FHIT: variants seen among roughly 807,000 people sequenced by gnomAD.
FHIT encodes the protein bis(5'-adenosyl)-triphosphatase.
FHIT carries 19 observed loss-of-function variants against 17.9 expected under a neutral mutation model. The ratio of observed to expected loss-of-function variants is 1.06; its 90% CI spans 0.74 to 1.56. The LOEUF (loss-of-function observed/expected upper bound fraction) is 1.56, where lower values mean the gene tolerates loss of function less well. Among genes scored for constraint, FHIT ranks in the 40% most tolerant of loss-of-function variants. The pLI, the probability that FHIT is intolerant of heterozygous loss-of-function variation, is 0.00. For synonymous variants in FHIT, 81 were observed against 69.7 expected (o/e 1.16, Z -0.81); for missense variants, 248 against 189.2 (o/e 1.31, Z -1.82).
intron 5 of FHIT, among the ~76,000 whole-genome samples, chr3:60,049,254 A>G (rs1701776290): frequency 6.6e-6 from 1 of 152,208 alleles, no homozygotes; most frequent in Non-Finnish European, 1.5e-5. Flanking sequence ...TTTGAAAACC[A>G]CCAGAATATG....
intron 2 of FHIT, among the ~76,000 whole-genome samples, chr3:61,044,137 G>T (rs1342426498): frequency 6.6e-6 from 1 of 152,212 alleles, no homozygotes; most frequent in African/African-American, 2.4e-5. Flanking sequence ...GAATGAATTT[G>T]ACGAGTTGAG....
intron 2 of FHIT, among the ~76,000 whole-genome samples, chr3:61,081,347 C>G (rs556725394): frequency 6.6e-6 from 1 of 152,252 alleles, no homozygotes; most frequent in Admixed American, 6.5e-5. Context: ...TCAGCCCTCT[C>G]TGAAATGCTT....
At chr3:60,967,751 T>C (rs1029821767) in intron 3 of FHIT, among the ~76,000 whole-genome samples, 2 of 152,196 alleles carry the variant, frequency 1.3e-5, no homozygotes, top group South Asian at 4.1e-4. Flanking sequence ...ACATTCATCA[T>C]GGAAACTAAA....
intron 3 of FHIT, among the ~76,000 whole-genome samples, chr3:60,842,052 G>T (rs1433219854): frequency 6.6e-6 from 1 of 151,738 alleles, no homozygotes; most frequent in African/African-American, 2.4e-5. Context: ...CGCTCCGAGG[G>T]CCTACACAAC....
intron 3 of FHIT, among the ~76,000 whole-genome samples, chr3:61,022,335 A>T (rs534851190): frequency 6.6e-6 from 1 of 152,366 alleles, no homozygotes; most frequent in East Asian, 1.9e-4. Flanking sequence ...CAAGTTCTGT[A>T]ATTGAGGCAG....
intron 4 of FHIT, among the ~76,000 whole-genome samples, chr3:60,721,193 CCTT>C (rs782007477): frequency 2.3e-4 from 35 of 152,086 alleles, no homozygotes; most frequent in African/African-American, 8.2e-4. Flanking sequence ...AAGCATTTGC[CCTT>C]ACCTTCTGTC....
chr3:60,881,685 G>T (rs1704987862), intron 3 of FHIT, among the ~76,000 whole-genome samples: 1 of 151,936 alleles, frequency 6.6e-6, no homozygotes, highest in African/African-American at 2.4e-5. Context: ...ACTCAATACA[G>T]AAATTAAGAA....
At chr3:60,886,145 G>A (rs1370468580) in intron 3 of FHIT, among the ~76,000 whole-genome samples, 1 of 152,056 alleles carries the variant, frequency 6.6e-6, no homozygotes, top group Non-Finnish European at 1.5e-5. Context: ...GAATCCATAA[G>A]ACTCAATTAT....
In FHIT at chr3:59,798,840, CAT is replaced by C. The variant is rs1173160455; in HGVS notation, c.349-46521_349-46520del. Among the ~76,000 whole-genome samples, 5 of 152,312 alleles carry C rather than the reference CAT, an allele frequency of 3.3e-5. No homozygotes were observed. The East Asian group carries it at 9.6e-4, about 29-fold the overall frequency. On this transcript the variant is annotated intron_variant, in intron 8 of 9. Coordinates refer to ENST00000492590, the MANE Select transcript of FHIT (RefSeq NM_002012.4). ...GGTTCGAAAGAGATTTCAGATGAAA[CAT>C]ATCTAACAAACACTGTGGCTGGCAG...
At chr3:60,882,758 A>G (rs111943370) in intron 3 of FHIT, among the ~76,000 whole-genome samples, 66 of 152,278 alleles carry the variant, frequency 4.3e-4, no homozygotes, top group African/African-American at 1.5e-3. Context: ...ACCTAACATT[A>G]TACTGAACAG....
At chr3:60,333,125 T>A (rs1336968170) in intron 5 of FHIT, among the ~76,000 whole-genome samples, 2 of 152,234 alleles carry the variant, frequency 1.3e-5, no homozygotes. Context: ...TCATGACTTA[T>A]AACATTGGCT....
At chr3:60,989,219 G>T (rs940996221) in intron 3 of FHIT, among the ~76,000 whole-genome samples, 3 of 152,040 alleles carry the variant, frequency 2.0e-5, no homozygotes, top group African/African-American at 7.2e-5. Flanking sequence ...GAGTGATCAC[G>T]GTTCACTGCA....
At chr3:61,132,263 T>C (rs1409084471) in intron 2 of FHIT, among the ~76,000 whole-genome samples, 1 of 152,224 alleles carries the variant, frequency 6.6e-6, no homozygotes, top group East Asian at 1.9e-4. Context: ...AGTTGAGCCC[T>C]ACATGAGATC....
At chr3:60,430,680 A>T (rs1996829) in intron 5 of FHIT, among the ~76,000 whole-genome samples, 106,888 of 151,882 alleles carry the variant, frequency 0.7, 38,253 homozygotes, top group Non-Finnish European at 0.74. Context: ...TGTTTTCTGC[A>T]CTTATCTCCA....
intron 4 of FHIT, chr3:60,617,550 T>A (rs1316580301): frequency 6.5e-6 from 1 of 152,838 alleles, no homozygotes; most frequent in African/African-American, 2.4e-5. Context: ...AAAACTAACA[T>A]TGAATTTTTA....
At chr3:61,105,473 C>T (rs1359304141) in intron 2 of FHIT, among the ~76,000 whole-genome samples, 1 of 152,044 alleles carries the variant, frequency 6.6e-6, no homozygotes, top group African/African-American at 2.4e-5. Flanking sequence ...GTCAGTAATG[C>T]TGCTCTTACA....
At chr3:61,198,283 A>T (rs1378776840) in intron 2 of FHIT, among the ~76,000 whole-genome samples, 1 of 152,154 alleles carries the variant, frequency 6.6e-6, no homozygotes, top group Non-Finnish European at 1.5e-5. Context: ...TGGAGGCAAC[A>T]GTGGTCTCAT....
intron 8 of FHIT, among the ~76,000 whole-genome samples, chr3:59,896,576 A>T (rs553254614): frequency 1.4e-4 from 21 of 152,326 alleles, no homozygotes; most frequent in African/African-American, 4.6e-4. Context: ...ATTAAAGTTC[A>T]TCCTATATTT....
At chr3:60,102,680 C>T (rs1403564723) in intron 5 of FHIT, among the ~76,000 whole-genome samples, 2 of 151,898 alleles carry the variant, frequency 1.3e-5, no homozygotes, top group East Asian at 3.9e-4. Context: ...CAATCAAGGT[C>T]ACCCATGTCA....
Sources: allele counts gnomAD v4.1 joint callset (sites outside exome capture counted in the v4.1 genomes callset), GRCh38; gene constraint gnomAD v4.1.1; transcripts MANE v1.5; gene names NCBI Gene and HGNC (gene_info 2026-07-23, HGNC 2026-07-21).